STAM2: variants seen among roughly 807,000 people sequenced by gnomAD.
STAM2 encodes the protein signal transducing adapter molecule 2.
STAM2 carries 51 observed loss-of-function variants against 65.6 expected under a neutral mutation model. The observed-to-expected ratio is 0.78, with a 90% CI of 0.62 to 0.98. The LOEUF (loss-of-function observed/expected upper bound fraction) is 0.98. Ranked by LOEUF, STAM2 falls within the 50% of genes least tolerant of loss-of-function variation. STAM2 has a pLI of 0.00. For synonymous variants in STAM2, 198 were observed against 208.4 expected (o/e 0.95, Z 0.43); for missense variants, 584 against 617.8 (o/e 0.95, Z 0.58).
chr2:152,131,440 A>G (rs1189634217), intron 11 of STAM2: 1 of 152,436 alleles, frequency 6.6e-6, no homozygotes, highest in Non-Finnish European at 1.5e-5. Context: ...GCATCAGAGC[A>G]AAAGTCAATC....
Position 152,119,491 on chromosome 2 carries a change from T to C in STAM2, c.*1083A>G, listed in dbSNP as rs1049944142. On this transcript the variant is annotated 3_prime_UTR_variant, in exon 14 of 14. Coordinates refer to ENST00000263904, the MANE Select transcript of STAM2 (RefSeq NM_005843.6). ...TGACAGCTTAGCAACGGTACTTGAA[T>C]CACCTCTTTAAAAAAACAACACACC... The C allele has an allele frequency of 5.3e-5, 8 of 152,124 alleles. No homozygotes were observed. The highest frequency in any genetic ancestry group is 1.9e-4 in the African/African-American group (8 of 41,424). 9.4% of individuals were successfully genotyped at this position (152,124 alleles called of 1,614,324 possible). A position where few individuals can be genotyped will look rare whatever the true frequency, so the allele number is the denominator to read the frequency against.
At chr2:152,143,029 C>T (rs1689276813) in intron 7 of STAM2, among the ~76,000 whole-genome samples, 1 of 152,152 alleles carries the variant, frequency 6.6e-6, no homozygotes, top group African/African-American at 2.4e-5. Context: ...GCCTTCCATA[C>T]AATTGTCTAT....
intron 7 of STAM2, among the ~76,000 whole-genome samples, chr2:152,142,565 GATACAC>G (rs1231982492): frequency 1.3e-5 from 2 of 152,122 alleles, no homozygotes; most frequent in Non-Finnish European, 2.9e-5. Context: ...GTGCAAAAGT[GATACAC>G]ACTCAGATAC....
chr2:152,145,280 G>T (rs10182220), intron 5 of STAM2, among the ~76,000 whole-genome samples: 57,306 of 151,900 alleles, frequency 0.38, 12,560 homozygotes, highest in East Asian at 0.61. Context: ...TGTTTCCTGG[G>T]CTGATCTGCA....
At chr2:152,128,908 T>C (rs751032509) in intron 11 of STAM2, among the ~76,000 whole-genome samples, 1 of 152,102 alleles carries the variant, frequency 6.6e-6, no homozygotes, top group Non-Finnish European at 1.5e-5. Context: ...CATGATCCAT[T>C]CAAGGGAAAA....
In STAM2 at chr2:152,175,722, G is replaced by A; in HGVS notation, c.-80C>T. On this transcript the variant is annotated 5_prime_UTR_variant, in exon 1 of 14. Coordinates refer to ENST00000263904, the MANE Select transcript of STAM2 (RefSeq NM_005843.6). ...TACCCGCCGGGTGACCCGCGGCCGC[G>A]GCTCCCTAGACCGCTCCGCTTCGGC... The A allele has an allele frequency of 2.0e-6, 3 of 1,498,908 alleles. No individual in the cohort carries two copies. Among genetic ancestry groups the A allele is most frequent in the Middle Eastern group, 1.7e-4 (1 of 5,796 alleles). 92.9% of individuals were successfully genotyped at this position (1,498,908 alleles called of 1,614,324 possible).
chr2:152,162,288 G>T (rs1395571961), intron 1 of STAM2, among the ~76,000 whole-genome samples: 1 of 152,172 alleles, frequency 6.6e-6, no homozygotes, highest in Non-Finnish European at 1.5e-5. Flanking sequence ...CCCATAAGTG[G>T]GGACTGGGCC....
intron 1 of STAM2, among the ~76,000 whole-genome samples, chr2:152,159,886 G>A (rs979506029): frequency 2.0e-5 from 3 of 152,336 alleles, no homozygotes; most frequent in Non-Finnish European, 4.4e-5. Context: ...GCGCCGCCAC[G>A]CCTGACTGGT....
At chr2:152,168,836 A>G (rs1689845211) in intron 1 of STAM2, among the ~76,000 whole-genome samples, 1 of 152,210 alleles carries the variant, frequency 6.6e-6, no homozygotes, top group Non-Finnish European at 1.5e-5. Flanking sequence ...AGACAATTCA[A>G]TCCACAGTGA....
At chr2:152,163,138 A>G (rs1689714981) in intron 1 of STAM2, among the ~76,000 whole-genome samples, 1 of 152,204 alleles carries the variant, frequency 6.6e-6, no homozygotes, top group South Asian at 2.1e-4. Flanking sequence ...CTGTTTCCCT[A>G]TGTATATACA....
In STAM2 at chr2:152,160,093, C is replaced by A. The variant is rs1389885098; in HGVS notation, c.41-9864G>T. ...TCGGCTGGCTACAACCTCCACCTCC[C>A]AGCCGCCTGCCTTGGCCTCCCAAAG... On this transcript the variant is annotated intron_variant, in intron 1 of 13. Transcript: ENST00000263904. Among the ~76,000 whole-genome samples the A allele has an allele frequency of 1.1e-4, 16 of 152,354 alleles. No individual in the cohort carries two copies. The East Asian group carries it at 3.1e-3, about 29-fold the overall frequency.
chr2:152,147,607 C>A (rs1361506309), intron 4 of STAM2, among the ~76,000 whole-genome samples: 2 of 152,140 alleles, frequency 1.3e-5, no homozygotes, highest in South Asian at 2.1e-4. Flanking sequence ...GCCAGAGAAA[C>A]CTGGATGTAA....
At chr2:152,135,703 G>T in intron 7 of STAM2, 100 bp from the exon 8 acceptor site, 1 of 734,570 alleles carries the variant, frequency 1.4e-6, no homozygotes, top group Non-Finnish European at 2.3e-6. Flanking sequence ...GAATATATCC[G>T]TTTACAAGCA....
Position 152,119,733 on chromosome 2 carries a change from C to A in STAM2, c.*841G>T, listed in dbSNP as rs568273798. 1 of 152,152 alleles carries A rather than the reference C, an allele frequency of 6.6e-6. No individual in the cohort carries two copies. The highest frequency in any genetic ancestry group is 2.4e-5 in the African/African-American group (1 of 41,434). The allele number at this position is 152,152 out of a possible 1,614,324, so 9.4% of individuals were successfully genotyped here. Reference sequence around the variant, plus strand: ...GTGACAATTCTAAATACCAGAGATACATGTAGGAAAGAAAATGTTTTTCCT... The same window carrying A: ...GTGACAATTCTAAATACCAGAGATAAATGTAGGAAAGAAAATGTTTTTCCT... On this transcript the variant is annotated 3_prime_UTR_variant, in exon 14 of 14. Transcript: ENST00000263904.
chr2:152,117,283 T>C lies in STAM2; in HGVS notation c.*3291A>G, dbSNP rs1688764805. 6.6e-6 allele frequency: 1 copy of C among 152,146 alleles called. No homozygotes were observed. Among genetic ancestry groups the C allele is most frequent in the African/African-American group, 2.4e-5 (1 of 41,430 alleles). 9.4% of individuals were successfully genotyped at this position (152,146 alleles called of 1,614,324 possible). ...CTCAAGCAATACTCCCACCTCAGCC[T>C]ACTGACTAGCTGGGACTACAGGTGC... is the stretch of plus-strand genomic sequence containing the variant. On this transcript the variant is annotated 3_prime_UTR_variant, in exon 14 of 14. Coordinates refer to ENST00000263904, the MANE Select transcript of STAM2 (RefSeq NM_005843.6).
At chr2:152,163,460 G>T (rs1163846052) in intron 1 of STAM2, among the ~76,000 whole-genome samples, 1 of 126,118 alleles carries the variant, frequency 7.9e-6, no homozygotes, top group Admixed American at 8.8e-5. Context: ...TGTACAAATT[G>T]ATTGTAAAAG....
intron 1 of STAM2, among the ~76,000 whole-genome samples, chr2:152,163,265 TATC>T (rs1386723241): frequency 6.6e-6 from 1 of 152,260 alleles, no homozygotes; most frequent in African/African-American, 2.4e-5. Flanking sequence ...TTAATACTTT[TATC>T]ATTTCTTATG....
Position 152,120,301 on chromosome 2 carries a change from A to C in STAM2, c.*273T>G. 1 of 439,728 alleles carries C rather than the reference A, an allele frequency of 2.3e-6. No individual in the cohort carries two copies. The highest frequency in any genetic ancestry group is 4.1e-6 in the Non-Finnish European group (1 of 243,228). 27.2% of individuals were successfully genotyped at this position (439,728 alleles called of 1,614,324 possible). A position where few individuals can be genotyped will look rare whatever the true frequency, so the allele number is the denominator to read the frequency against. On this transcript the variant is annotated 3_prime_UTR_variant, in exon 14 of 14. Coordinates refer to ENST00000263904, the MANE Select transcript of STAM2 (RefSeq NM_005843.6). ...ATAAGGCTACTTAATGAGTATCTAG[A>C]TTTATGTAGAGAAATCTGAAAGTAA... is the stretch of plus-strand genomic sequence containing the variant.
intron 8 of STAM2, 27 bp from the exon 9 acceptor site, chr2:152,133,511 C>T (rs1367182848): frequency 6.4e-7 from 1 of 1,564,878 alleles, no homozygotes; most frequent in African/African-American, 1.4e-5. Flanking sequence ...ATTTTAAGTT[C>T]CTCAGCATTT....
Sources: gnomAD v4.1 joint callset for allele counts (sites outside exome capture counted in the v4.1 genomes callset) on GRCh38, gnomAD v4.1.1 for gene constraint, MANE v1.5 for transcripts, NCBI Gene and HGNC (gene_info 2026-07-23, HGNC 2026-07-21) for gene names.